The following LARS2 variants were observed in gnomAD, a reference collection of about 807,000 sequenced individuals.
LARS2 encodes leucyl-tRNA synthetase 2, mitochondrial.
In LARS2, 81 loss-of-function variants were observed where a neutral mutation model predicts 116.6. The ratio of observed to expected loss-of-function variants is 0.69; its 90% CI spans 0.58 to 0.84. The LOEUF is 0.84. Among genes scored for constraint, LARS2 ranks in the 40% least tolerant of loss-of-function variants. The pLI, the probability that LARS2 is intolerant of heterozygous loss-of-function variation, is 0.00. For synonymous variants in LARS2, 396 were observed against 407.2 expected, an observed-to-expected ratio of 0.97 and a Z score of 0.33; for missense variants, 968 against 1,114.5, an observed-to-expected ratio of 0.87 and a Z score of 1.87.
chr3:45,541,731 T>G (rs1575322996), intron 20 of LARS2, 98 bp from the exon 21 acceptor site: 1 of 1,490,090 alleles, frequency 6.7e-7, no homozygotes, highest in East Asian at 2.3e-5. Context: ...CTCACACAGC[T>G]CCAAGCCAGG....
Position 45,458,803 on chromosome 3 carries a change from CATG to C in LARS2, c.668_670del (p.His223_Gly224delinsArg). 2 of 1,614,038 alleles carry C rather than the reference CATG, an allele frequency of 1.2e-6. No individual in the cohort carries two copies. Among genetic ancestry groups the C allele is most frequent in the Non-Finnish European group, 1.7e-6 (2 of 1,179,926 alleles). On this transcript the variant is annotated inframe_deletion, in exon 8 of 22. Transcript: ENST00000645846. ...GCTTGCCAATGAGCAGGTGGATGAACATGGCTGTTCATGGCGTTCTGGAGCAAA... is the reference window on the plus strand; with the variant it reads ...GCTTGCCAATGAGCAGGTGGATGAACGCTGTTCATGGCGTTCTGGAGCAAA...
At chr3:45,506,664 A>G (rs779669274) in intron 15 of LARS2, among the ~76,000 whole-genome samples, 1 of 151,996 alleles carries the variant, frequency 6.6e-6, no homozygotes, top group Admixed American at 6.6e-5. Flanking sequence ...ACCTCTGTCC[A>G]TGTTCAGTGG....
At chr3:45,524,850 T>G (rs1487664588) in intron 20 of LARS2, among the ~76,000 whole-genome samples, 1 of 152,242 alleles carries the variant, frequency 6.6e-6, no homozygotes, top group East Asian at 1.9e-4. Flanking sequence ...AAATGCATGT[T>G]GTTTAGTTGA....
At chr3:45,392,692 G>A (rs1697976664) in intron 2 of LARS2, among the ~76,000 whole-genome samples, 1 of 152,018 alleles carries the variant, frequency 6.6e-6, no homozygotes, top group Non-Finnish European at 1.5e-5. Context: ...AATGACTTTG[G>A]CAGACCAACT....
At chr3:45,419,602 A>C in intron 5 of LARS2, 67 bp from the exon 6 acceptor site, 1 of 1,045,344 alleles carries the variant, frequency 9.6e-7, no homozygotes, top group Non-Finnish European at 1.4e-6. Flanking sequence ...TTACATTCTC[A>C]AAGTGTAGTT....
intron 15 of LARS2, among the ~76,000 whole-genome samples, chr3:45,505,035 C>T (rs556226213): frequency 8.6e-5 from 13 of 151,166 alleles, no homozygotes; most frequent in South Asian, 4.2e-4. Flanking sequence ...GAGCCAAGAT[C>T]GTGCCACTGC....
At chr3:45,415,858 A>ATAT (rs1319147035) in intron 4 of LARS2, among the ~76,000 whole-genome samples, 2 of 100,158 alleles carry the variant, frequency 2.0e-5, no homozygotes, top group African/African-American at 1.0e-4. Flanking sequence ...AAAAAAAAAA[A>ATAT]AAATATATAT....
chr3:45,433,581 T>C (rs1698756110), intron 6 of LARS2, among the ~76,000 whole-genome samples: 2 of 152,246 alleles, frequency 1.3e-5, no homozygotes, highest in South Asian at 4.1e-4. Context: ...TCTATATACA[T>C]TGAAATCCAC....
intron 6 of LARS2, among the ~76,000 whole-genome samples, chr3:45,431,654 A>G (rs1575250235): frequency 9.4e-6 from 1 of 106,412 alleles, no homozygotes; most frequent in South Asian, 2.8e-4. Context: ...CAAAGAAAAT[A>G]GTTATAGAAT....
intron 18 of LARS2, 113 bp downstream of exon 18, chr3:45,518,185 C>T (rs892564058): frequency 8.2e-6 from 6 of 731,896 alleles, no homozygotes; most frequent in Non-Finnish European, 1.1e-5. Flanking sequence ...TGTGGGTCTT[C>T]CTTCCTGGCA....
chr3:45,516,255 G>A lies in LARS2; in HGVS notation c.2023G>A (p.Asp675Asn), dbSNP rs902210877. 1 of 1,613,972 alleles carries A rather than the reference G, an allele frequency of 6.2e-7. No homozygotes were observed. Among genetic ancestry groups the A allele is most frequent in the Non-Finnish European group, 8.5e-7 (1 of 1,179,936 alleles). ...CCTTTTTGCTGCCCCTCCTGAGAAG[G>A]ATATCTTGTGGGATGTGAAAAGTAA... ...YILFAAPPEK[D>N]ILWDVKTDAL... The change falls in exon 17 of 22, where the codon GAT becomes AAT. Residue 675 changes from aspartate to asparagine, a missense_variant. Transcript: ENST00000645846.
At position 45,485,749 on chromosome 3, in the gene LARS2, T is replaced by C. The variant is rs754565210; in HGVS notation, c.1076T>C (p.Val359Ala). The C allele has an allele frequency of 2.5e-6, 4 of 1,612,194 alleles. No individual in the cohort carries two copies. In the East Asian group the frequency reaches 8.9e-5, roughly 36 times the overall value. Reference protein sequence around the residue: ...NMLTQQEVPVVILAKADLEGS... With the variant: ...NMLTQQEVPVAILAKADLEGS... ...CTTACCCAGCAGGAGGTCCCTGTCG[T>C]TATTTTGGCCAAAGCTGACTTGGAA... is the stretch of plus-strand genomic sequence containing the variant. Residue 359 changes from valine (V) to alanine (A), a missense_variant, in exon 11 of 22, where the codon GTT becomes GCT. Physicochemically the swap from Val to Ala is moderately conservative, Grantham distance 64. Transcript: ENST00000645846.
At chr3:45,474,372 C>T (rs1699578928) in intron 9 of LARS2, 22 bp downstream of exon 9, 1 of 1,476,470 alleles carries the variant, frequency 6.8e-7, no homozygotes, top group African/African-American at 1.4e-5. Context: ...ATAGCAGCTC[C>T]AGCAATTCAT....
chr3:45,495,874 T>G (rs113893262), intron 13 of LARS2, among the ~76,000 whole-genome samples: 4 of 152,258 alleles, frequency 2.6e-5, no homozygotes, highest in African/African-American at 9.6e-5. Context: ...TTCTTTTTTT[T>G]TTTTGAGACA....
intron 10 of LARS2, among the ~76,000 whole-genome samples, chr3:45,477,587 G>C (rs1217173114): frequency 6.6e-6 from 1 of 152,160 alleles, no homozygotes; most frequent in African/African-American, 2.4e-5. Flanking sequence ...AAACTTGAGG[G>C]CTCTTACCAG....
At chr3:45,487,701 G>A (rs747865805) in intron 11 of LARS2, among the ~76,000 whole-genome samples, 4 of 151,824 alleles carry the variant, frequency 2.6e-5, no homozygotes, top group African/African-American at 4.8e-5. Context: ...GACAGCCCCC[G>A]CAACAAAGTC....
intron 4 of LARS2, among the ~76,000 whole-genome samples, chr3:45,409,729 A>G (rs1193199089): frequency 1.3e-5 from 2 of 152,212 alleles, no homozygotes; most frequent in Non-Finnish European, 2.9e-5. Context: ...AATTTGGCTC[A>G]CAGAGACATT....
chr3:45,431,102 C>T (rs1698704601), intron 6 of LARS2, among the ~76,000 whole-genome samples: 2 of 152,112 alleles, frequency 1.3e-5, no homozygotes, highest in Non-Finnish European at 2.9e-5. Context: ...TCTCTCCCTG[C>T]CATGTAAGGA....
At chr3:45,520,879 C>A (rs1575310752) in intron 19 of LARS2, among the ~76,000 whole-genome samples, 1 of 152,302 alleles carries the variant, frequency 6.6e-6, no homozygotes, top group Non-Finnish European at 1.5e-5. Context: ...AAAATGAAGT[C>A]CTCTCCAAGC....
Sources: gnomAD v4.1 joint callset for allele counts (sites outside exome capture counted in the v4.1 genomes callset) on GRCh38, gnomAD v4.1.1 for gene constraint, MANE v1.5 for transcripts, NCBI Gene and HGNC (gene_info 2026-07-23, HGNC 2026-07-21) for gene names.